The following SLC37A3 variants were observed in gnomAD, a reference collection of about 807,000 sequenced individuals.
SLC37A3 encodes sugar phosphate exchanger 3.
Under a neutral mutation model 67.1 loss-of-function variants are expected in SLC37A3, and 51 were observed. The observed-to-expected ratio is 0.76, with a 90% CI of 0.61 to 0.96. The LOEUF (loss-of-function observed/expected upper bound fraction) is 0.96. Among genes scored for constraint, SLC37A3 ranks in the 40% least tolerant of loss-of-function variants. The pLI, the probability that SLC37A3 is intolerant of heterozygous loss-of-function variation, is 0.00. For missense variants in SLC37A3, 508 were observed against 603.0 expected (o/e 0.84, Z 1.65); for synonymous variants, 214 against 231.4 (o/e 0.92, Z 0.68).
At chr7:140,347,634 A>G (rs1796616619) in intron 10 of SLC37A3, among the ~76,000 whole-genome samples, 1 of 152,182 alleles carries the variant, frequency 6.6e-6, no homozygotes, top group Non-Finnish European at 1.5e-5. Flanking sequence ...AAATGTTAAC[A>G]TTATTGAAGG....
At chr7:140,347,665 C>T (rs1796618005) in intron 10 of SLC37A3, among the ~76,000 whole-genome samples, 1 of 151,678 alleles carries the variant, frequency 6.6e-6, no homozygotes, top group South Asian at 2.1e-4. Context: ...CTGGCACAGC[C>T]ATGTAAGTAA....
intron 13 of SLC37A3, chr7:140,337,604 A>G (rs1234153128): frequency 3.4e-6 from 1 of 292,170 alleles, no homozygotes; most frequent in African/African-American, 2.2e-5. Flanking sequence ...TCACTTTGCT[A>G]TTTAGAGAGG....
rs752562147 is a variant in SLC37A3 at position 140,337,340 on chromosome 7, A to G, written c.1336T>C (p.Ser446Pro). ...IGAAVGQYLV[S>P]LIRDKLGWMW... ...CATCCTAGCTTGTCCCGGATCAGAG[A>G]CACTAAATACTGAAAGGGAGGAAAA... is the stretch of plus-strand genomic sequence containing the variant. The change falls in exon 14 of 15, where the codon TCT becomes CCT. Residue 446 changes from serine (S) to proline (P), a missense_variant. Coordinates refer to ENST00000326232, the MANE Select transcript of SLC37A3 (RefSeq NM_207113.3). The G allele has an allele frequency of 6.3e-7, 1 of 1,594,602 alleles. No homozygotes were observed. The highest frequency in any genetic ancestry group is 2.3e-5 in the East Asian group (1 of 44,366).
At chr7:140,335,547 T>A (rs1204865864) in intron 14 of SLC37A3, 43 bp from the exon 15 acceptor site, 1 of 1,599,000 alleles carries the variant, frequency 6.3e-7, no homozygotes, top group African/African-American at 1.3e-5. Flanking sequence ...AACAGTTTAC[T>A]TCTGTTAGAG....
Position 140,381,458 on chromosome 7 carries a change from G to A in SLC37A3, c.89+980C>T, listed in dbSNP as rs143889331. On this transcript the variant is annotated intron_variant, in intron 2 of 14. Transcript: ENST00000326232. ...GTAGATCATTTGATCCCGGGAGTTC[G>A]AGGCTGCAGTGAACCGTGATCACAC... Among the ~76,000 whole-genome samples, 389 of 151,994 alleles carry A rather than the reference G, an allele frequency of 2.6e-3. 14 individuals are homozygous for A. The South Asian group carries it at 0.048, about 19-fold the overall frequency.
At chr7:140,368,091 G>A (rs1797675640) in intron 4 of SLC37A3, among the ~76,000 whole-genome samples, 1 of 151,884 alleles carries the variant, frequency 6.6e-6, no homozygotes, top group Admixed American at 6.6e-5. Context: ...TAGGATTACA[G>A]GCGTGGGCCA....
intron 13 of SLC37A3, among the ~76,000 whole-genome samples, chr7:140,342,966 G>A (rs1796415462): frequency 6.6e-6 from 1 of 152,138 alleles, no homozygotes; most frequent in South Asian, 2.1e-4. Flanking sequence ...CAGAGTCCAT[G>A]GCCATGTCTG....
intron 5 of SLC37A3, among the ~76,000 whole-genome samples, chr7:140,361,446 CA>C (rs1340939454): frequency 6.8e-6 from 1 of 148,058 alleles, no homozygotes; most frequent in Non-Finnish European, 1.5e-5. Context: ...TGTGCCATTC[CA>C]CTCCAGCCTG....
intron 4 of SLC37A3, among the ~76,000 whole-genome samples, chr7:140,369,261 G>T (rs924777525): frequency 6.6e-6 from 1 of 151,942 alleles, no homozygotes; most frequent in Non-Finnish European, 1.5e-5. Flanking sequence ...ATTTTCCTCC[G>T]TTGTACTTAC....
chr7:140,387,684 TATTA>T, intron 1 of SLC37A3, among the ~76,000 whole-genome samples: 1 of 112,014 alleles, frequency 8.9e-6, no homozygotes, highest in South Asian at 2.3e-4. Flanking sequence ...TATATAAATA[TATTA>T]TATATATTAT....
chr7:140,352,404 T>TG (rs1157449763), intron 7 of SLC37A3, among the ~76,000 whole-genome samples: 1 of 152,212 alleles, frequency 6.6e-6, no homozygotes, highest in African/African-American at 2.4e-5. Context: ...TAAGTGGTAC[T>TG]GTTATGATTG....
chr7:140,382,401 A>G (rs765681850), intron 2 of SLC37A3, 37 bp downstream of exon 2: 2 of 1,584,704 alleles, frequency 1.3e-6, no homozygotes, highest in African/African-American at 2.7e-5. Flanking sequence ...AAGAAAAAAG[A>G]AAAAAAGCAG....
At chr7:140,336,424 C>CA (rs1018353845) in intron 14 of SLC37A3, among the ~76,000 whole-genome samples, 1 of 151,620 alleles carries the variant, frequency 6.6e-6, no homozygotes, top group Non-Finnish European at 1.5e-5. Flanking sequence ...AGACCTGTCT[C>CA]AAAAAAATAA....
At chr7:140,361,207 GTGC>G (rs879754353) in intron 5 of SLC37A3, among the ~76,000 whole-genome samples, 55,469 of 150,510 alleles carry the variant, frequency 0.37, 11,395 homozygotes, top group Non-Finnish European at 0.46. Context: ...ATAGGGCCAG[GTGC>G]GGTGGCTCAC....
At chr7:140,393,418 C>T (rs1304695250) in intron 1 of SLC37A3, among the ~76,000 whole-genome samples, 1 of 152,168 alleles carries the variant, frequency 6.6e-6, no homozygotes, top group Non-Finnish European at 1.5e-5. Flanking sequence ...CAATCCTTTG[C>T]CAGGCCGCCT....
At chr7:140,362,318 C>T (rs1448388400) in intron 5 of SLC37A3, among the ~76,000 whole-genome samples, 7 of 141,792 alleles carry the variant, frequency 4.9e-5, no homozygotes, top group African/African-American at 1.8e-4. Context: ...GCCTGGCAAC[C>T]GCCCCGTCTG....
At position 140,369,680 on chromosome 7, in the gene SLC37A3, G is replaced by T. The variant is rs773251764; in HGVS notation, c.201C>A (p.Ile67=). Residue 67 remains isoleucine, a splice_region_variant and synonymous_variant, in exon 4 of 15, where the codon ATC becomes ATA. Coordinates refer to ENST00000326232, the MANE Select transcript of SLC37A3 (RefSeq NM_207113.3). ...TGGGGAACAAATGGTTGCTGCTCCA[G>T]ATCTACAGTAAGACAGCAGGAACAG... is the stretch of plus-strand genomic sequence containing the variant. ...FNTSVELPVE[I]WSSNHLFPSA... 1 of 1,613,674 alleles carries T rather than the reference G, an allele frequency of 6.2e-7. No individual in the cohort carries two copies. Among genetic ancestry groups the T allele is most frequent in the Non-Finnish European group, 8.5e-7 (1 of 1,179,818 alleles).
At chr7:140,377,560 T>C (rs1053262801) in intron 3 of SLC37A3, among the ~76,000 whole-genome samples, 1 of 152,236 alleles carries the variant, frequency 6.6e-6, no homozygotes, top group Non-Finnish European at 1.5e-5. Flanking sequence ...TGTTTGTCGA[T>C]GTCAGTGAAC....
chr7:140,349,159 T>C (rs553031352), intron 9 of SLC37A3, among the ~76,000 whole-genome samples: 3 of 152,322 alleles, frequency 2.0e-5, no homozygotes, highest in African/African-American at 4.8e-5. Context: ...GCGTTAACCA[T>C]AGGCAAAGAA....
Sources: allele counts gnomAD v4.1 joint callset (sites outside exome capture counted in the v4.1 genomes callset), GRCh38; gene constraint gnomAD v4.1.1; transcripts MANE v1.5; gene names NCBI Gene and HGNC (gene_info 2026-07-23, HGNC 2026-07-21).